Variants in KCNH1 observed in about 807,000 individuals in gnomAD.
KCNH1 encodes the protein voltage-gated delayed rectifier potassium channel KCNH1.
Under a neutral mutation model 69.2 loss-of-function variants are expected in KCNH1, and 27 were observed. That is an observed-to-expected ratio of 0.39 (90% CI 0.29 to 0.54). KCNH1 has a LOEUF of 0.54. Ranked by LOEUF, KCNH1 falls within the 20% of genes least tolerant of loss-of-function variation. The pLI is 0.68. For synonymous variants in KCNH1, 456 were observed against 487.7 expected (o/e 0.93, Z 0.86); for missense variants, 798 against 1,261.6 (o/e 0.63, Z 5.57).
chr1:210,976,697 C>T (rs1688618617), intron 6 of KCNH1, among the ~76,000 whole-genome samples: 1 of 150,028 alleles, frequency 6.7e-6, no homozygotes, highest in South Asian at 2.1e-4. Context: ...AGACTTGGAA[C>T]CAACCCAAAT....
At chr1:210,829,987 A>T (rs1685124235) in intron 7 of KCNH1, among the ~76,000 whole-genome samples, 1 of 152,178 alleles carries the variant, frequency 6.6e-6, no homozygotes, top group Admixed American at 6.5e-5. Context: ...ACTTGAGTAT[A>T]TGTTCCACAA....
intron 7 of KCNH1, chr1:210,862,370 C>A: frequency 1.6e-6 from 1 of 638,370 alleles, no homozygotes; most frequent in Non-Finnish European, 2.9e-6. Context: ...CCTGCCGCAG[C>A]GGCAACTGGC....
chr1:211,009,551 T>A (rs1417805737), intron 6 of KCNH1, among the ~76,000 whole-genome samples: 1 of 151,608 alleles, frequency 6.6e-6, no homozygotes, highest in Non-Finnish European at 1.5e-5. Flanking sequence ...GTGGGGTGGG[T>A]GCAGGCCACA....
intron 7 of KCNH1, among the ~76,000 whole-genome samples, chr1:210,911,872 C>A (rs578184526): frequency 2.0e-5 from 3 of 152,162 alleles, no homozygotes; most frequent in Admixed American, 2.0e-4. Context: ...ATATCTTCCA[C>A]CCCTCTCCTG....
At chr1:210,866,325 A>AG (rs1447583459) in intron 7 of KCNH1, among the ~76,000 whole-genome samples, 1 of 152,226 alleles carries the variant, frequency 6.6e-6, no homozygotes, top group African/African-American at 2.4e-5. Context: ...CTAGTAAAAA[A>AG]TGCAACCCAC....
chr1:210,989,282 T>C (rs1018078812), intron 6 of KCNH1, among the ~76,000 whole-genome samples: 4 of 152,218 alleles, frequency 2.6e-5, no homozygotes, highest in Non-Finnish European at 5.9e-5. Context: ...TTCCAATATG[T>C]TTATGAAGCA....
intron 9 of KCNH1, among the ~76,000 whole-genome samples, chr1:210,780,660 A>T (rs1301130488): frequency 6.6e-6 from 1 of 152,252 alleles, no homozygotes; most frequent in Non-Finnish European, 1.5e-5. Context: ...GTTCAAGTTA[A>T]GCAGCATAAA....
chr1:211,039,649 A>C (rs1430633470), intron 5 of KCNH1, among the ~76,000 whole-genome samples: 3 of 152,182 alleles, frequency 2.0e-5, no homozygotes, highest in Non-Finnish European at 4.4e-5. Flanking sequence ...GAATCAAAGG[A>C]GATCATTTTG....
At chr1:210,762,721 C>A (rs1301700502) in intron 10 of KCNH1, among the ~76,000 whole-genome samples, 1 of 151,848 alleles carries the variant, frequency 6.6e-6, no homozygotes, top group Non-Finnish European at 1.5e-5. Context: ...TGGAATTGAA[C>A]CAGTAATAAA....
chr1:210,787,940 T>A (rs1375281204), intron 9 of KCNH1, among the ~76,000 whole-genome samples: 1 of 152,222 alleles, frequency 6.6e-6, no homozygotes, highest in Middle Eastern at 3.2e-3. Flanking sequence ...GAATGGGGAC[T>A]CAGCCATAAA....
intron 6 of KCNH1, among the ~76,000 whole-genome samples, chr1:210,953,564 C>T (rs1021476205): frequency 1.8e-4 from 27 of 152,156 alleles, no homozygotes; most frequent in African/African-American, 6.3e-4. Context: ...TTCTCTTGCA[C>T]GGAATACTCC....
chr1:211,026,089 G>T (rs1380401272), intron 5 of KCNH1, among the ~76,000 whole-genome samples: 1 of 152,048 alleles, frequency 6.6e-6, no homozygotes, highest in Non-Finnish European at 1.5e-5. Context: ...CTGGTATTGG[G>T]TCTGATCACC....
chr1:210,917,036 T>C (rs973694887), intron 7 of KCNH1, among the ~76,000 whole-genome samples: 1 of 151,634 alleles, frequency 6.6e-6, no homozygotes, highest in Non-Finnish European at 1.5e-5. Context: ...TAAGCCCAGC[T>C]ACTTGGGAGG....
At chr1:210,742,145 A>G (rs1315690275) in intron 10 of KCNH1, among the ~76,000 whole-genome samples, 1 of 152,214 alleles carries the variant, frequency 6.6e-6, no homozygotes, top group African/African-American at 2.4e-5. Context: ...CAGAGAACAC[A>G]AAAAACAATA....
At chr1:210,694,328 T>C (rs1351888809) in intron 10 of KCNH1, among the ~76,000 whole-genome samples, 1 of 152,050 alleles carries the variant, frequency 6.6e-6, no homozygotes, top group African/African-American at 2.4e-5. Flanking sequence ...TTATCTCCTC[T>C]TACCAGCTAC....
chr1:210,873,344 T>C (rs1450184329), intron 7 of KCNH1, among the ~76,000 whole-genome samples: 1 of 152,184 alleles, frequency 6.6e-6, no homozygotes. Flanking sequence ...TTTATATTTC[T>C]AAATCTTTAT....
chr1:211,066,464 T>C (rs1450851889), intron 5 of KCNH1, among the ~76,000 whole-genome samples: 7 of 152,208 alleles, frequency 4.6e-5, no homozygotes, highest in African/African-American at 1.7e-4. Flanking sequence ...CTAAAGGTAA[T>C]ATCATCAATA....
chr1:210,758,313 T>A (rs542998617), intron 10 of KCNH1, among the ~76,000 whole-genome samples: 2 of 151,906 alleles, frequency 1.3e-5, no homozygotes, highest in Non-Finnish European at 2.9e-5. Flanking sequence ...GTGTGGAGAG[T>A]GCACCAGCAG....
At chr1:210,877,039 CA>C (rs1003865333) in intron 7 of KCNH1, among the ~76,000 whole-genome samples, 106 of 143,544 alleles carry the variant, frequency 7.4e-4, no homozygotes, top group African/African-American at 2.7e-3. Context: ...AGATCTAAGT[CA>C]ATTTAGGATG....
Sources: gnomAD v4.1 joint callset for allele counts (sites outside exome capture counted in the v4.1 genomes callset) on GRCh38, gnomAD v4.1.1 for gene constraint, MANE v1.5 for transcripts, NCBI Gene and HGNC (gene_info 2026-07-23, HGNC 2026-07-21) for gene names.